ARHGEF3: variants seen among roughly 807,000 people sequenced by gnomAD.
ARHGEF3 encodes 59.8 kDA protein.
ARHGEF3 carries 28 observed loss-of-function variants against 63.2 expected under a neutral mutation model. The observed-to-expected ratio is 0.44, with a 90% CI of 0.33 to 0.61. The LOEUF (loss-of-function observed/expected upper bound fraction) is 0.61. ARHGEF3 is among the 20% of genes least tolerant of loss of function. ARHGEF3 has a pLI of 0.03. For synonymous variants in ARHGEF3, 266 were observed against 254.2 expected (o/e 1.05, Z -0.44); for missense variants, 533 against 659.3 (o/e 0.81, Z 2.10).
intron 1 of ARHGEF3, among the ~76,000 whole-genome samples, chr3:56,787,735 T>TAATAATA (rs202071491): frequency 7.6e-4 from 114 of 150,650 alleles, no homozygotes; most frequent in African/African-American, 2.7e-3. Context: ...ATAATAATAA[T>TAATAATA]ATAATAGCAA....
intron 1 of ARHGEF3, among the ~76,000 whole-genome samples, chr3:57,055,426 T>C (rs1400728634): frequency 6.6e-6 from 1 of 152,166 alleles, no homozygotes; most frequent in African/African-American, 2.4e-5. Context: ...CCTCCCAGAG[T>C]GCCAGGATTA....
chr3:57,010,447 C>G (rs1204867782), intron 2 of ARHGEF3, among the ~76,000 whole-genome samples: 1 of 141,984 alleles, frequency 7.0e-6, no homozygotes, highest in Non-Finnish European at 1.5e-5. Flanking sequence ...CAGAACGAGA[C>G]TCCATCTCAA....
intron 2 of ARHGEF3, among the ~76,000 whole-genome samples, chr3:56,995,666 A>AGAGG (rs1701955205): frequency 7.9e-6 from 1 of 127,116 alleles, no homozygotes; most frequent in Admixed American, 8.3e-5. Context: ...AGAGAGAGAG[A>AGAGG]GAGAGAATTT....
intron 2 of ARHGEF3, among the ~76,000 whole-genome samples, chr3:57,011,054 G>T (rs1037562647): frequency 6.6e-6 from 1 of 152,168 alleles, no homozygotes; most frequent in Non-Finnish European, 1.5e-5. Context: ...AAATGCTCCC[G>T]CCCGCTTCCA....
Position 57,018,742 on chromosome 3 carries a change from A to G in ARHGEF3, c.62+16346T>C, listed in dbSNP as rs552021329. 7.2e-5 allele frequency among the ~76,000 whole-genome samples: 11 copies of G among 152,350 alleles called. No homozygotes were observed. In the South Asian group the frequency reaches 2.3e-3, roughly 32 times the overall value. On this transcript the variant is annotated intron_variant, in intron 2 of 12. Coordinates refer to the ARHGEF3 transcript ENST00000338458. ...CTGGCTTTTCCCATTTAAAGACAGTATCTGCCAGGTAGTGTGCTGAGCATG... is the reference window on the plus strand; with the variant it reads ...CTGGCTTTTCCCATTTAAAGACAGTGTCTGCCAGGTAGTGTGCTGAGCATG...
chr3:56,974,795 C>T (rs890878327), intron 2 of ARHGEF3, among the ~76,000 whole-genome samples: 3 of 152,124 alleles, frequency 2.0e-5, no homozygotes, highest in African/African-American at 7.2e-5. Flanking sequence ...CACGTCCCTC[C>T]GGAAAGGATA....
At chr3:56,790,850 CT>C (rs2037045214) in intron 1 of ARHGEF3, among the ~76,000 whole-genome samples, 2 of 152,156 alleles carry the variant, frequency 1.3e-5, no homozygotes, top group South Asian at 4.1e-4. Context: ...TAGCGTCTTC[CT>C]CTAGGAAGAC....
chr3:57,020,824 G>A (rs1268663423), intron 2 of ARHGEF3, among the ~76,000 whole-genome samples: 2 of 152,238 alleles, frequency 1.3e-5, no homozygotes. Context: ...GCTTGATCCT[G>A]AATGAACTGC....
chr3:56,856,507 T>C (rs1014857171), intron 4 of ARHGEF3, among the ~76,000 whole-genome samples: 1 of 152,122 alleles, frequency 6.6e-6, no homozygotes, highest in Non-Finnish European at 1.5e-5. Context: ...AGATCCTCTT[T>C]ACAGATATGG....
chr3:56,737,413 A>G (rs552828397), intron 7 of ARHGEF3, 58 bp from the exon 8 acceptor site: 122 of 1,442,358 alleles, frequency 8.5e-5, no homozygotes, highest in Non-Finnish European at 1.1e-4. Flanking sequence ...ATTCACACCA[A>G]GTCTTAGGGG....
intron 7 of ARHGEF3, among the ~76,000 whole-genome samples, chr3:56,738,747 T>C (rs1031451424): frequency 1.8e-4 from 27 of 152,086 alleles, no homozygotes; most frequent in African/African-American, 6.5e-4. Flanking sequence ...TATATTTAAA[T>C]GTTACAAAAT....
At chr3:56,918,609 C>T (rs1400933514) in intron 3 of ARHGEF3, among the ~76,000 whole-genome samples, 1 of 152,148 alleles carries the variant, frequency 6.6e-6, no homozygotes. Flanking sequence ...AGGGCACGGC[C>T]GTCTCCTCTG....
chr3:56,952,740 C>T (rs758227256), intron 3 of ARHGEF3, among the ~76,000 whole-genome samples: 20 of 151,390 alleles, frequency 1.3e-4, no homozygotes, highest in Non-Finnish European at 2.2e-4. Context: ...TAGTAATTAC[C>T]ATTACAAAGT....
At position 56,997,316 on chromosome 3, in the gene ARHGEF3, G is replaced by A. The variant is rs571705641; in HGVS notation, c.62+37772C>T. ...TCTAGCCTGTCCACTCACATGCCCT[G>A]TGGGGAGGTCCTGCAGAGCAGGGTC... On this transcript the variant is annotated intron_variant, in intron 2 of 12. Coordinates refer to the ARHGEF3 transcript ENST00000338458. Among the ~76,000 whole-genome samples, 94 of 152,284 alleles carry A rather than the reference G, an allele frequency of 6.2e-4. 1 individual carries two copies. In the South Asian group the frequency reaches 0.013, roughly 21 times the overall value.
rs1212917229 is a variant in ARHGEF3 at position 56,801,787 on chromosome 3, C to A, written c.12G>T (p.Lys4Asn). 1 of 1,564,584 alleles carries A rather than the reference C, an allele frequency of 6.4e-7. No individual in the cohort carries two copies. The highest frequency in any genetic ancestry group is 8.7e-7 in the Non-Finnish European group (1 of 1,153,332). MVA[K>N]DYPFYLTVKR... ...TGACCGTGAGGTAGAAGGGGTAATC[C>A]TTGGCCACCATGGCGGCTGCCGGGC... is the stretch of plus-strand genomic sequence containing the variant. The change falls in exon 1 of 10, where the codon AAG (lysine) becomes AAT (asparagine). Residue 4 changes from lysine (K) to asparagine (N), a missense_variant. Transcript: ENST00000296315.
At chr3:56,876,778 G>A (rs1328821373) in intron 4 of ARHGEF3, among the ~76,000 whole-genome samples, 1 of 152,154 alleles carries the variant, frequency 6.6e-6, no homozygotes, top group African/African-American at 2.4e-5. Flanking sequence ...CACCAGCATA[G>A]AAAAGATGCC....
At chr3:56,973,346 A>G (rs977765889) in intron 2 of ARHGEF3, among the ~76,000 whole-genome samples, 2 of 152,100 alleles carry the variant, frequency 1.3e-5, no homozygotes, top group Non-Finnish European at 2.9e-5. Flanking sequence ...CAGGAATAAC[A>G]CTATCTACTG....
intron 2 of ARHGEF3, among the ~76,000 whole-genome samples, chr3:56,997,385 C>T (rs1026264796): frequency 8.5e-5 from 13 of 152,058 alleles, no homozygotes; most frequent in African/African-American, 1.4e-4. Context: ...GGAAGACAGT[C>T]GGGCCCAGGG....
chr3:56,729,928 G>A (rs1372387944), intron 9 of ARHGEF3, among the ~76,000 whole-genome samples: 4 of 152,164 alleles, frequency 2.6e-5, no homozygotes, highest in African/African-American at 9.7e-5. Flanking sequence ...CAATCTGGCT[G>A]CATAACAAAA....
Sources: allele counts gnomAD v4.1 joint callset (sites outside exome capture counted in the v4.1 genomes callset), GRCh38; gene constraint gnomAD v4.1.1; transcripts MANE v1.5; gene names NCBI Gene and HGNC (gene_info 2026-07-23, HGNC 2026-07-21).